The following LYPD6B variants were observed in gnomAD, a reference collection of about 807,000 sequenced individuals.
The protein encoded by LYPD6B is LY6/PLAUR domain containing 6B, also known as ly6/PLAUR domain-containing protein 6B.
A neutral mutation model predicts 22.8 loss-of-function variants in LYPD6B; 17 were observed. The ratio of observed to expected loss-of-function variants is 0.75; its 90% CI spans 0.51 to 1.12. The LOEUF (loss-of-function observed/expected upper bound fraction) is 1.12. Among genes scored for constraint, LYPD6B ranks in the 50% most tolerant of loss-of-function variants. The probability of loss-of-function intolerance (pLI) is 0.00; values close to 1 mark genes in which losing one functional copy is unlikely to be tolerated. For missense variants in LYPD6B, 221 were observed against 258.3 expected (o/e 0.86, Z 0.99); for synonymous variants, 106 against 91.6 (o/e 1.16, Z -0.90).
At chr2:149,096,318 C>T (rs1003763207) in intron 1 of LYPD6B, among the ~76,000 whole-genome samples, 3 of 152,120 alleles carry the variant, frequency 2.0e-5, no homozygotes, top group Admixed American at 2.0e-4. Context: ...AGTAGGATGT[C>T]AGGTCTGAGG....
At chr2:149,213,936 G>A (rs1448230935) in intron 6 of LYPD6B, among the ~76,000 whole-genome samples, 5 of 152,142 alleles carry the variant, frequency 3.3e-5, no homozygotes, top group Non-Finnish European at 4.4e-5. Context: ...TAGTCATCCT[G>A]GAAGCCTCTA....
At chr2:149,141,565 A>G (rs1688695105) in intron 2 of LYPD6B, among the ~76,000 whole-genome samples, 1 of 152,004 alleles carries the variant, frequency 6.6e-6, no homozygotes, top group African/African-American at 2.4e-5. Context: ...CTGCCTTGTT[A>G]TTTTGTATTT....
At chr2:149,114,010 G>T (rs2105551233) in intron 1 of LYPD6B, among the ~76,000 whole-genome samples, 1 of 152,170 alleles carries the variant, frequency 6.6e-6, no homozygotes, top group East Asian at 1.9e-4. Context: ...CTTGACATTG[G>T]ACATTCCATT....
At chr2:149,170,092 G>A (rs1023341113) in intron 3 of LYPD6B, among the ~76,000 whole-genome samples, 3 of 152,192 alleles carry the variant, frequency 2.0e-5, no homozygotes, top group Non-Finnish European at 4.4e-5. Flanking sequence ...TTGAAAAATT[G>A]TATTGGTCAG....
At chr2:149,124,061 C>T (rs1391517911) in intron 1 of LYPD6B, among the ~76,000 whole-genome samples, 1 of 152,174 alleles carries the variant, frequency 6.6e-6, no homozygotes, top group East Asian at 1.9e-4. Flanking sequence ...ATCCAAGGGC[C>T]ATTCTTCCTA....
In LYPD6B at chr2:149,214,903, G is replaced by A. The variant is rs1694096917; in HGVS notation, c.*193G>A. 2 of 617,726 alleles carry A rather than the reference G, an allele frequency of 3.2e-6. No individual in the cohort carries two copies. Among genetic ancestry groups the A allele is most frequent in the Non-Finnish European group, 5.7e-6 (2 of 352,958 alleles). 38.3% of individuals were successfully genotyped at this position (617,726 alleles called of 1,614,324 possible). The stretch of plus-strand genomic sequence containing the variant: ...GCCACAGGACTGAGGATGGGAATTT[G>A]GCAGGGCCTGAGAAGATGGTCTGAC... On this transcript the variant is annotated 3_prime_UTR_variant, in exon 7 of 7. Coordinates refer to ENST00000409642, the MANE Select transcript of LYPD6B (RefSeq NM_177964.5).
chr2:149,151,914 G>A (rs1270559273), intron 2 of LYPD6B, among the ~76,000 whole-genome samples: 1 of 152,020 alleles, frequency 6.6e-6, no homozygotes, highest in Non-Finnish European at 1.5e-5. Flanking sequence ...CCAGATGCTG[G>A]CCTCACTTTC....
Position 149,208,432 on chromosome 2 carries a change from A to G in LYPD6B, c.328+20A>G. ...CACAAAGTAAGTGTGCTGAGTTTGG[A>G]AGACTTCTGTGATCTCATTTCATTT... On this transcript the variant is annotated intron_variant, in intron 5 of 6. Coordinates refer to ENST00000409642, the MANE Select transcript of LYPD6B (RefSeq NM_177964.5). 2 of 1,554,594 alleles carry G rather than the reference A, an allele frequency of 1.3e-6. No homozygotes were observed. The highest frequency in any genetic ancestry group is 1.8e-6 in the Non-Finnish European group (2 of 1,125,938).
At chr2:149,062,500 C>T (rs1455367311) in intron 1 of LYPD6B, among the ~76,000 whole-genome samples, 2 of 152,088 alleles carry the variant, frequency 1.3e-5, no homozygotes, top group African/African-American at 2.4e-5. Flanking sequence ...AGGAACCTCT[C>T]TCAGGCATTC....
intron 1 of LYPD6B, among the ~76,000 whole-genome samples, chr2:149,053,331 T>G (rs371510055): frequency 5.3e-5 from 8 of 152,218 alleles, no homozygotes; most frequent in African/African-American, 1.9e-4. Flanking sequence ...GTACCATAAA[T>G]AGCTTAACAA....
intron 1 of LYPD6B, among the ~76,000 whole-genome samples, chr2:149,082,495 A>G (rs1218999104): frequency 6.6e-6 from 1 of 152,082 alleles, no homozygotes; most frequent in Non-Finnish European, 1.5e-5. Flanking sequence ...AGTTCTTCCC[A>G]CCCCCAGTAC....
At chr2:149,212,552 GTAATGAAACAACTGTA>G (rs1302475827) in intron 5 of LYPD6B, among the ~76,000 whole-genome samples, 5 of 152,134 alleles carry the variant, frequency 3.3e-5, no homozygotes, top group South Asian at 4.2e-4. Context: ...AAAATGATGA[GTAATGAAACAACTGTA>G]TAATGAAACA....
intron 1 of LYPD6B, among the ~76,000 whole-genome samples, chr2:149,120,365 A>G (rs866176308): frequency 1.2e-3 from 48 of 39,284 alleles, no homozygotes; most frequent in African/African-American, 5.1e-3. Flanking sequence ...GTGTGTGTAT[A>G]TATATATATA....
intron 1 of LYPD6B, among the ~76,000 whole-genome samples, chr2:149,127,580 C>G (rs1032301413): frequency 6.6e-6 from 1 of 152,092 alleles, no homozygotes; most frequent in African/African-American, 2.4e-5. Flanking sequence ...TATTTCCTTC[C>G]TTTCCTCCCC....
chr2:149,053,723 A>G (rs1219619474), intron 1 of LYPD6B, among the ~76,000 whole-genome samples: 1 of 152,196 alleles, frequency 6.6e-6, no homozygotes, highest in Non-Finnish European at 1.5e-5. Flanking sequence ...CATACCCATT[A>G]ACAATTGCTT....
chr2:149,053,273 T>C (rs1683646376), intron 1 of LYPD6B, among the ~76,000 whole-genome samples: 1 of 152,242 alleles, frequency 6.6e-6, no homozygotes, highest in Non-Finnish European at 1.5e-5. Flanking sequence ...GCTAACAGTA[T>C]ATCATAAACA....
chr2:149,145,840 T>C (rs1165887383), intron 2 of LYPD6B, among the ~76,000 whole-genome samples: 1 of 152,134 alleles, frequency 6.6e-6, no homozygotes, highest in Non-Finnish European at 1.5e-5. Flanking sequence ...AAAGCAATGC[T>C]TTAAGGAATC....
chr2:149,164,125 A>G (rs1365358476), intron 3 of LYPD6B, among the ~76,000 whole-genome samples: 1 of 152,082 alleles, frequency 6.6e-6, no homozygotes, highest in Non-Finnish European at 1.5e-5. Context: ...TACCGGTGAT[A>G]AGATTTAATC....
intron 1 of LYPD6B, among the ~76,000 whole-genome samples, chr2:149,128,664 C>T (rs1268632055): frequency 6.6e-6 from 1 of 152,128 alleles, no homozygotes; most frequent in Admixed American, 6.5e-5. Context: ...TGAATGTGAA[C>T]ATTTCCTAAA....
Sources: gnomAD v4.1 joint callset for allele counts (sites outside exome capture counted in the v4.1 genomes callset) on GRCh38, gnomAD v4.1.1 for gene constraint, MANE v1.5 for transcripts, NCBI Gene and HGNC (gene_info 2026-07-23, HGNC 2026-07-21) for gene names.